QTMAN: variants seen among roughly 807,000 people sequenced by gnomAD.
The protein encoded by QTMAN is tRNA-queuosine alpha-mannosyltransferase.
the QTMAN span, among the ~76,000 whole-genome samples, chr2:144,010,558 C>T: frequency 2.1e-3 from 325 of 152,180 alleles, 4 homozygotes; most frequent in African/African-American, 7.5e-3. Flanking sequence ...ATTCAGCGAA[C>T]TGATGCCATT....
the QTMAN span, among the ~76,000 whole-genome samples, chr2:144,089,914 C>T: frequency 6.6e-6 from 1 of 151,890 alleles, no homozygotes; most frequent in African/African-American, 2.4e-5. Context: ...CATGGACACA[C>T]TAAATACAAT....
At chr2:143,991,844 C>T in the QTMAN span, among the ~76,000 whole-genome samples, 111 of 150,622 alleles carry the variant, frequency 7.4e-4, no homozygotes, top group Non-Finnish European at 1.3e-3. Context: ...CACCTCTGCC[C>T]GGCCGCCCCT....
chr2:144,269,531 T>C, the QTMAN span, among the ~76,000 whole-genome samples: 556 of 152,244 alleles, frequency 3.7e-3, 4 homozygotes, highest in African/African-American at 0.013. Flanking sequence ...ATCATTTGGG[T>C]CAAGTTTTAT....
chr2:144,152,139 A>T, the QTMAN span, among the ~76,000 whole-genome samples: 8 of 152,176 alleles, frequency 5.3e-5, no homozygotes, highest in Non-Finnish European at 1.2e-4. Flanking sequence ...TCCATCATGT[A>T]ATTTTCCTTT....
the QTMAN span, chr2:143,970,679 A>C: frequency 3.1e-6 from 5 of 1,604,312 alleles, no homozygotes; most frequent in Non-Finnish European, 3.4e-6. Flanking sequence ...GGTTTCTCCA[A>C]GTACAGACAC....
At chr2:143,941,128 G>C in the QTMAN span, 2 of 152,166 alleles carry the variant, frequency 1.3e-5, no homozygotes, top group Non-Finnish European at 2.9e-5. Flanking sequence ...TGGAAAATCT[G>C]AGTTCTAGAT....
chr2:144,097,413 C>T, the QTMAN span, among the ~76,000 whole-genome samples: 1 of 152,162 alleles, frequency 6.6e-6, no homozygotes, highest in Non-Finnish European at 1.5e-5. Flanking sequence ...ACTGCAGTTA[C>T]TGACCACTCA....
At chr2:143,955,077 T>C in the QTMAN span, among the ~76,000 whole-genome samples, 1 of 152,172 alleles carries the variant, frequency 6.6e-6, no homozygotes, top group African/African-American at 2.4e-5. Context: ...TATCTAGCAA[T>C]AATGAATCTG....
the QTMAN span, chr2:144,177,106 T>C: frequency 1.3e-5 from 9 of 699,720 alleles, no homozygotes; most frequent in Non-Finnish European, 2.3e-5. Flanking sequence ...TCCACCTCCA[T>C]GATCCAATCA....
chr2:144,220,903 T>A, the QTMAN span, among the ~76,000 whole-genome samples: 1 of 152,226 alleles, frequency 6.6e-6, no homozygotes, highest in Non-Finnish European at 1.5e-5. Context: ...TTGTTCAATG[T>A]ACCCACCTTG....
At chr2:144,321,480 T>A in the QTMAN span, among the ~76,000 whole-genome samples, 1 of 152,364 alleles carries the variant, frequency 6.6e-6, no homozygotes, top group South Asian at 2.1e-4. Flanking sequence ...GTAATTCATA[T>A]TACATTGTTG....
the QTMAN span, among the ~76,000 whole-genome samples, chr2:144,285,068 G>A: frequency 2.7e-5 from 4 of 150,888 alleles, no homozygotes; most frequent in Admixed American, 2.0e-4. Flanking sequence ...TCATGCCACT[G>A]CACTTCAACC....
At chr2:144,246,597 A>AG in the QTMAN span, among the ~76,000 whole-genome samples, 3 of 150,996 alleles carry the variant, frequency 2.0e-5, no homozygotes, top group South Asian at 2.1e-4. Flanking sequence ...AAAAAAAAAA[A>AG]AAAAAGAAAA....
chr2:144,075,054 A>G, the QTMAN span, among the ~76,000 whole-genome samples: 30 of 152,346 alleles, frequency 2.0e-4, no homozygotes, highest in African/African-American at 4.1e-4. Context: ...GCAATACGGA[A>G]TAAGTTTTGT....
the QTMAN span, among the ~76,000 whole-genome samples, chr2:144,171,208 T>C: frequency 8.5e-5 from 13 of 152,190 alleles, no homozygotes; most frequent in African/African-American, 2.9e-4. Flanking sequence ...ATGCTATTAT[T>C]ATCACGTCTG....
At chr2:144,134,990 C>G in the QTMAN span, among the ~76,000 whole-genome samples, 1 of 152,070 alleles carries the variant, frequency 6.6e-6, no homozygotes, top group African/African-American at 2.4e-5. Context: ...GCCTGACAAC[C>G]TGAGCATTTG....
At chr2:144,012,522 T>G in the QTMAN span, among the ~76,000 whole-genome samples, 1 of 152,122 alleles carries the variant, frequency 6.6e-6, no homozygotes, top group African/African-American at 2.4e-5. Context: ...GGCAATAAGG[T>G]TAACACAAAA....
chr2:144,107,916 G>A, the QTMAN span, among the ~76,000 whole-genome samples: 1 of 152,080 alleles, frequency 6.6e-6, no homozygotes, highest in South Asian at 2.1e-4. Context: ...ATGATCAAGT[G>A]GGCTTCATCC....
the QTMAN span, among the ~76,000 whole-genome samples, chr2:144,279,250 C>A: frequency 6.6e-6 from 1 of 151,770 alleles, no homozygotes; most frequent in African/African-American, 2.4e-5. Context: ...TTCAGCAGTC[C>A]AGGCAGACAG....
Sources: gnomAD v4.1 joint callset for allele counts (sites outside exome capture counted in the v4.1 genomes callset) on GRCh38, gnomAD v4.1.1 for gene constraint, MANE v1.5 for transcripts, NCBI Gene and HGNC (gene_info 2026-07-23, HGNC 2026-07-21) for gene names.